The following TMC1 variants were observed in gnomAD, a reference collection of about 807,000 sequenced individuals.
TMC1 encodes the protein transmembrane channel like 1.
In TMC1, 84 loss-of-function variants were observed where a neutral mutation model predicts 105.8. That is an observed-to-expected ratio of 0.79 (90% confidence interval 0.67 to 0.95). The LOEUF is 0.95. Among genes scored for constraint, TMC1 ranks in the 40% least tolerant of loss-of-function variants. TMC1 has a pLI of 0.00. For missense variants in TMC1, 817 were observed against 914.1 expected (o/e 0.89, Z 1.37); for synonymous variants, 315 against 311.5 (o/e 1.01, Z -0.12).
chr9:72,638,546 T>G (rs1825572279), intron 4 of TMC1, among the ~76,000 whole-genome samples: 1 of 152,214 alleles, frequency 6.6e-6, no homozygotes. Flanking sequence ...CACCTCTTTT[T>G]GAACCTATTC....
intron 1 of TMC1, among the ~76,000 whole-genome samples, chr9:72,548,621 A>G (rs548351798): frequency 6.6e-6 from 1 of 152,140 alleles, no homozygotes; most frequent in South Asian, 2.1e-4. Flanking sequence ...ATTTAAGCCA[A>G]CAAGATATGT....
At chr9:72,567,105 T>C (rs1564414996) in intron 1 of TMC1, among the ~76,000 whole-genome samples, 1 of 152,202 alleles carries the variant, frequency 6.6e-6, no homozygotes, top group Non-Finnish European at 1.5e-5. Flanking sequence ...AGATGATGTC[T>C]CAGCCATGAT....
intron 1 of TMC1, among the ~76,000 whole-genome samples, chr9:72,555,779 C>A (rs1823919909): frequency 6.6e-6 from 1 of 151,746 alleles, no homozygotes; most frequent in Admixed American, 6.6e-5. Context: ...TGCTGCCACG[C>A]CTGGCTAATT....
At chr9:72,797,713 T>C (rs1479560029) in intron 17 of TMC1, among the ~76,000 whole-genome samples, 1 of 152,094 alleles carries the variant, frequency 6.6e-6, no homozygotes. Context: ...GTATAAAAAT[T>C]AACTCAAGAT....
intron 8 of TMC1, among the ~76,000 whole-genome samples, chr9:72,738,388 T>C (rs1390778910): frequency 2.0e-5 from 3 of 151,932 alleles, no homozygotes; most frequent in Non-Finnish European, 2.9e-5. Flanking sequence ...CTAAGGAACA[T>C]CTTACAGAAA....
At chr9:72,827,839 G>C (rs936917125) in intron 21 of TMC1, among the ~76,000 whole-genome samples, 1 of 152,142 alleles carries the variant, frequency 6.6e-6, no homozygotes, top group African/African-American at 2.4e-5. Flanking sequence ...TTGATGCAAA[G>C]GATTTGGTTC....
At chr9:72,743,903 T>C (rs185766688) in intron 10 of TMC1, among the ~76,000 whole-genome samples, 1 of 152,348 alleles carries the variant, frequency 6.6e-6, no homozygotes, top group East Asian at 1.9e-4. Context: ...AATCTTTCCA[T>C]ATTCTGGTTT....
intron 8 of TMC1, among the ~76,000 whole-genome samples, chr9:72,710,734 C>T (rs1826820971): frequency 6.6e-6 from 1 of 152,034 alleles, no homozygotes. Flanking sequence ...TATGTGAGTC[C>T]TTATGTGTTA....
chr9:72,806,940 C>A (rs1366458861), intron 18 of TMC1, among the ~76,000 whole-genome samples: 4 of 152,140 alleles, frequency 2.6e-5, no homozygotes, highest in Non-Finnish European at 1.5e-5. Flanking sequence ...TGTAGCGAGC[C>A]GAGATCACGC....
chr9:72,672,478 G>C (rs1826138711), intron 5 of TMC1, among the ~76,000 whole-genome samples: 1 of 151,784 alleles, frequency 6.6e-6, no homozygotes, highest in East Asian at 1.9e-4. Flanking sequence ...GTTAAAAATG[G>C]TCTAATTGAA....
intron 12 of TMC1, among the ~76,000 whole-genome samples, chr9:72,767,460 T>G (rs1179727287): frequency 2.0e-5 from 3 of 152,228 alleles, no homozygotes; most frequent in Admixed American, 6.5e-5. Context: ...ATGTTTTGCA[T>G]GCAGAGCCTT....
intron 8 of TMC1, among the ~76,000 whole-genome samples, chr9:72,730,772 A>G (rs1827198297): frequency 6.6e-6 from 1 of 152,160 alleles, no homozygotes; most frequent in South Asian, 2.1e-4. Flanking sequence ...CAACTATACG[A>G]TCCCATCTGG....
At chr9:72,629,723 T>C (rs962436023) in intron 4 of TMC1, among the ~76,000 whole-genome samples, 4 of 152,162 alleles carry the variant, frequency 2.6e-5, no homozygotes, top group African/African-American at 7.2e-5. Context: ...AAAATAGTGG[T>C]TATGTGTGGC....
chr9:72,705,010 T>C (rs1159429193), intron 8 of TMC1, among the ~76,000 whole-genome samples: 2 of 152,190 alleles, frequency 1.3e-5, no homozygotes, highest in Non-Finnish European at 2.9e-5. Flanking sequence ...TCAATTTCTA[T>C]ATTTTATTAA....
At chr9:72,668,392 C>G (rs1826076388) in intron 5 of TMC1, among the ~76,000 whole-genome samples, 1 of 152,192 alleles carries the variant, frequency 6.6e-6, no homozygotes. Flanking sequence ...CACAGCCCCT[C>G]TTAGTGCTTT....
At chr9:72,672,076 G>A (rs1826133422) in intron 5 of TMC1, among the ~76,000 whole-genome samples, 1 of 152,062 alleles carries the variant, frequency 6.6e-6, no homozygotes, top group Non-Finnish European at 1.5e-5. Context: ...TCTCCTAGTG[G>A]TAGTTTGTTT....
intron 17 of TMC1, among the ~76,000 whole-genome samples, chr9:72,805,000 A>G (rs1258930272): frequency 6.6e-6 from 1 of 152,182 alleles, no homozygotes; most frequent in East Asian, 1.9e-4. Flanking sequence ...TGTGTTAGCA[A>G]TACTCACCCT....
At chr9:72,716,007 C>T (rs752029207) in intron 8 of TMC1, among the ~76,000 whole-genome samples, 3 of 152,110 alleles carry the variant, frequency 2.0e-5, no homozygotes, top group Non-Finnish European at 4.4e-5. Flanking sequence ...TCCTTCTAAC[C>T]ATCAGGCCCC....
intron 6 of TMC1, 54 bp from the exon 7 acceptor site, chr9:72,694,489 T>A: frequency 6.6e-7 from 1 of 1,512,614 alleles, no homozygotes; most frequent in Non-Finnish European, 9.1e-7. Context: ...ATAAGCTTGG[T>A]AGTGGGAGGA....
Sources: gnomAD v4.1 joint callset for allele counts (sites outside exome capture counted in the v4.1 genomes callset) on GRCh38, gnomAD v4.1.1 for gene constraint, MANE v1.5 for transcripts, NCBI Gene and HGNC (gene_info 2026-07-23, HGNC 2026-07-21) for gene names.